The following NRXN3 variants were observed in gnomAD, a reference collection of about 807,000 sequenced individuals.
NRXN3 encodes neurexin III.
In NRXN3, 32 loss-of-function variants were observed where a neutral mutation model predicts 137.6. The observed-to-expected ratio is 0.23, with a 90% confidence interval of 0.18 to 0.31. The LOEUF is 0.31. NRXN3 is among the 10% of genes least tolerant of loss of function. The probability of loss-of-function intolerance (pLI) is 1.00; values close to 1 mark genes in which losing one functional copy is unlikely to be tolerated. For missense variants in NRXN3, 1,574 were observed against 2,062.5 expected, an observed-to-expected ratio of 0.76 and a Z score of 4.59; for synonymous variants, 798 against 784.5, an observed-to-expected ratio of 1.02 and a Z score of -0.29.
At chr14:78,734,992 C>T (rs2098535088) in intron 8 of NRXN3, among the ~76,000 whole-genome samples, 1 of 152,098 alleles carries the variant, frequency 6.6e-6, no homozygotes, top group Admixed American at 6.6e-5. Context: ...TAAAGGTCAT[C>T]TTGGCTGTAG....
chr14:79,104,475 G>A (rs935376390), intron 15 of NRXN3, among the ~76,000 whole-genome samples: 5 of 152,152 alleles, frequency 3.3e-5, no homozygotes, highest in Non-Finnish European at 1.5e-5. Context: ...TAAAGACTAT[G>A]ACTCTGGTAA....
In NRXN3 at chr14:78,353,637, T is replaced by C. The variant is rs186217278; in HGVS notation, c.757+55777T>C. On this transcript the variant is annotated intron_variant, in intron 4 of 20. Transcript: ENST00000335750. Reference sequence around the variant, plus strand: ...AAAAACTATTTTGAAGAAAAAAAAATCTGCAAACATTTTAAATGTATATCC... The same window carrying C: ...AAAAACTATTTTGAAGAAAAAAAAACCTGCAAACATTTTAAATGTATATCC... 4.5e-3 allele frequency among the ~76,000 whole-genome samples: 679 copies of C among 152,092 alleles called. 8 individuals carry two copies. Among genetic ancestry groups the C allele is most frequent in the African/African-American group, 0.015 (643 of 41,504 alleles).
intron 1 of NRXN3, among the ~76,000 whole-genome samples, chr14:78,180,691 T>C (rs2059732866): frequency 6.6e-6 from 1 of 152,080 alleles, no homozygotes; most frequent in Admixed American, 6.5e-5. Context: ...TTTTAGGAAA[T>C]AAAGATGTGG....
At chr14:79,448,077 T>A (rs997483354) in intron 15 of NRXN3, among the ~76,000 whole-genome samples, 2 of 152,236 alleles carry the variant, frequency 1.3e-5, no homozygotes, top group African/African-American at 2.4e-5. Flanking sequence ...CTGCTCTGTC[T>A]TCTGCTATCA....
intron 6 of NRXN3, among the ~76,000 whole-genome samples, chr14:78,681,150 T>C (rs1602344893): frequency 1.3e-5 from 2 of 152,218 alleles, no homozygotes; most frequent in Admixed American, 6.5e-5. Context: ...TCTTATGTGC[T>C]TGGGGCTTAT....
chr14:78,435,625 C>G (rs1218792302), intron 4 of NRXN3, among the ~76,000 whole-genome samples: 1 of 152,142 alleles, frequency 6.6e-6, no homozygotes, highest in African/African-American at 2.4e-5. Context: ...CCTCCCAGTC[C>G]CAAACTTCTG....
intron 16 of NRXN3, among the ~76,000 whole-genome samples, chr14:79,645,475 G>A (rs2098449348): frequency 7.5e-6 from 1 of 133,652 alleles, no homozygotes; most frequent in African/African-American, 2.5e-5. Context: ...AATCAGCCGG[G>A]TGTGGTGGCA....
chr14:79,001,795 A>G (rs868379639), intron 15 of NRXN3, among the ~76,000 whole-genome samples: 2 of 152,202 alleles, frequency 1.3e-5, no homozygotes, highest in African/African-American at 2.4e-5. Flanking sequence ...GCATTTGTCA[A>G]TTAATAGAAG....
rs142389487 is a variant in NRXN3 at position 78,281,311 on chromosome 14, T to C, written c.727+2649T>C. On this transcript the variant is annotated intron_variant, in intron 3 of 20. Coordinates refer to ENST00000335750, the MANE Select transcript of NRXN3 (RefSeq NM_001330195.2). ...CTTCAGCAGTTCTCTGACTCTTTTT[T>C]CCTTCCCCTCAGGAAGTCAAGTTGG... is the stretch of plus-strand genomic sequence containing the variant. Among the ~76,000 whole-genome samples, 1,219 of 152,354 alleles carry C rather than the reference T, an allele frequency of 8.0e-3. 21 individuals are homozygous for C. Among genetic ancestry groups the C allele is most frequent in the African/African-American group, 0.028 (1,171 of 41,580 alleles).
chr14:79,314,898 A>T, intron 15 of NRXN3, among the ~76,000 whole-genome samples: 1 of 151,982 alleles, frequency 6.6e-6, no homozygotes, highest in South Asian at 2.1e-4. Flanking sequence ...GGACATCTAC[A>T]CTGAAAACCC....
chr14:78,579,997 G>C lies in NRXN3; in HGVS notation c.758-65123G>C, dbSNP rs1266526025. Among the ~76,000 whole-genome samples, 6 of 152,112 alleles carry C rather than the reference G, an allele frequency of 3.9e-5. No individual in the cohort carries two copies. The East Asian group carries it at 9.6e-4, about 24-fold the overall frequency. On this transcript the variant is annotated intron_variant, in intron 4 of 20. Coordinates refer to ENST00000335750, the MANE Select transcript of NRXN3 (RefSeq NM_001330195.2). ...ACCTATCTCATAGGCTTTTTGGGAG[G>C]ATTAAATGAGTTAATAATCTGAAGA... is the stretch of plus-strand genomic sequence containing the variant.
At chr14:79,560,878 T>TA (rs1294091674) in intron 16 of NRXN3, among the ~76,000 whole-genome samples, 1 of 152,058 alleles carries the variant, frequency 6.6e-6, no homozygotes, top group Non-Finnish European at 1.5e-5. Flanking sequence ...CCAAAGAACT[T>TA]AAAGTGTTCC....
At chr14:79,823,607 AT>A (rs1388805139) in intron 20 of NRXN3, among the ~76,000 whole-genome samples, 1 of 152,138 alleles carries the variant, frequency 6.6e-6, no homozygotes, top group Admixed American at 6.6e-5. Flanking sequence ...ACAAAAATCG[AT>A]GCAGAGCATG....
At chr14:79,524,030 T>A (rs913549222) in intron 16 of NRXN3, among the ~76,000 whole-genome samples, 4 of 152,194 alleles carry the variant, frequency 2.6e-5, no homozygotes, top group Non-Finnish European at 5.9e-5. Flanking sequence ...ATACCCTGTT[T>A]AGCTGCACAT....
At chr14:79,684,530 G>C (rs575243811) in intron 17 of NRXN3, among the ~76,000 whole-genome samples, 2 of 152,238 alleles carry the variant, frequency 1.3e-5, no homozygotes, top group South Asian at 2.1e-4. Flanking sequence ...TCTATAGGAT[G>C]TATACAGAAG....
intron 5 of NRXN3, chr14:78,649,373 C>A: frequency 1.6e-6 from 1 of 627,946 alleles, no homozygotes; most frequent in Non-Finnish European, 2.4e-6. Flanking sequence ...CCCTTTTCCT[C>A]TCCAACCCCC....
At chr14:78,810,068 C>A (rs1159509960) in intron 9 of NRXN3, among the ~76,000 whole-genome samples, 1 of 150,272 alleles carries the variant, frequency 6.7e-6, no homozygotes, top group East Asian at 1.9e-4. Flanking sequence ...TATATGTATA[C>A]CAGTATATAT....
At chr14:78,691,010 G>T (rs1425966831) in intron 6 of NRXN3, among the ~76,000 whole-genome samples, 1 of 152,070 alleles carries the variant, frequency 6.6e-6, no homozygotes, top group Non-Finnish European at 1.5e-5. Context: ...AAGAAATTTG[G>T]AAAAGGAGCT....
At chr14:78,409,930 C>T (rs10139602) in intron 4 of NRXN3, among the ~76,000 whole-genome samples, 6 of 152,046 alleles carry the variant, frequency 3.9e-5, no homozygotes, top group East Asian at 1.9e-4. Flanking sequence ...TACCTTGATA[C>T]AAGATCTCAT....
Sources: gnomAD v4.1 joint callset for allele counts (sites outside exome capture counted in the v4.1 genomes callset) on GRCh38, gnomAD v4.1.1 for gene constraint, MANE v1.5 for transcripts, NCBI Gene and HGNC (gene_info 2026-07-23, HGNC 2026-07-21) for gene names.